The following AGBL1 variants were observed in gnomAD, a reference collection of about 807,000 sequenced individuals.
AGBL1 encodes cytosolic carboxypeptidase 4.
Under a neutral mutation model 118.9 loss-of-function variants are expected in AGBL1, and 130 were observed. That is an observed-to-expected ratio of 1.09 (90% CI 0.95 to 1.26). AGBL1 has a LOEUF of 1.26. AGBL1 is among the 50% of genes most tolerant of loss of function. The pLI is 0.00. For synonymous variants in AGBL1, 555 were observed against 478.9 expected (o/e 1.16, Z -2.08); for missense variants, 1,584 against 1,298.1 (o/e 1.22, Z -3.38).
chr15:86,989,319 A>G (rs79957336), intron 24 of AGBL1, among the ~76,000 whole-genome samples: 5,202 of 152,178 alleles, frequency 0.034, 128 homozygotes, highest in Middle Eastern at 0.068. Context: ...TGATTTTTAA[A>G]TCAATGCTTC....
chr15:86,834,622 T>C (rs1210912672), intron 22 of AGBL1, among the ~76,000 whole-genome samples: 1 of 152,176 alleles, frequency 6.6e-6, no homozygotes, highest in Non-Finnish European at 1.5e-5. Context: ...CACCTCCTTA[T>C]GTACCCTCTC....
chr15:86,264,942 A>G, intron 11 of AGBL1, 104 bp downstream of exon 11: 1 of 1,106,432 alleles, frequency 9.0e-7, no homozygotes, highest in South Asian at 1.9e-5. Context: ...GAAAGAGAGC[A>G]TTAATCAGGA....
At chr15:86,565,489 G>A (rs2083899189) in intron 21 of AGBL1, among the ~76,000 whole-genome samples, 1 of 152,224 alleles carries the variant, frequency 6.6e-6, no homozygotes, top group South Asian at 2.1e-4. Flanking sequence ...CGTTCCTCTG[G>A]AAGCTTTGTC....
At chr15:86,236,530 A>T (rs552797589) in intron 6 of AGBL1, among the ~76,000 whole-genome samples, 2 of 152,058 alleles carry the variant, frequency 1.3e-5, no homozygotes, top group East Asian at 3.9e-4. Context: ...TTAAAAGGAG[A>T]ATGCACACGG....
At chr15:86,671,193 C>T (rs1008510358) in intron 21 of AGBL1, among the ~76,000 whole-genome samples, 3 of 152,080 alleles carry the variant, frequency 2.0e-5, no homozygotes, top group African/African-American at 7.2e-5. Flanking sequence ...GCCGTTGTGC[C>T]ACATTTTCTC....
At chr15:86,763,138 G>C (rs1011284703) in intron 22 of AGBL1, among the ~76,000 whole-genome samples, 2 of 151,940 alleles carry the variant, frequency 1.3e-5, no homozygotes, top group Non-Finnish European at 2.9e-5. Flanking sequence ...CCTTTACCTA[G>C]TCTCCACTGA....
At chr15:86,288,872 T>C (rs1321028563) in intron 16 of AGBL1, among the ~76,000 whole-genome samples, 3 of 152,190 alleles carry the variant, frequency 2.0e-5, no homozygotes, top group African/African-American at 4.8e-5. Flanking sequence ...CCCATATTAT[T>C]TGATTCTTAA....
In AGBL1 at chr15:86,625,364, C is replaced by CCTTTTTTTTTTTTTTT. The variant is rs1429206623; in HGVS notation, c.2995-48909_2995-48908insCTTTTTTTTTTTTTTT. On this transcript the variant is annotated intron_variant, in intron 21 of 22. Transcript: ENST00000614907. ...CAGCCTCCAAGGTAGAAGAAATTAG[C>CCTTTTTTTTTTTTTTT]GTTTTTTTTTTTTTGTTTTTGTTTT... Among the ~76,000 whole-genome samples the CCTTTTTTTTTTTTTTT allele has an allele frequency of 3.1e-4, 21 of 68,260 alleles. 8 individuals are homozygous for CCTTTTTTTTTTTTTTT. The highest frequency in any genetic ancestry group is 1.7e-3 in the East Asian group (2 of 1,182). The allele number at this position is 68,260 out of a possible 152,430, so 44.8% of individuals were successfully genotyped here.
rs981064191 is a variant in AGBL1, at chr15:86,288,748, A to G, written c.2221-6507A>G. Among the ~76,000 whole-genome samples the G allele has an allele frequency of 5.3e-5, 8 of 152,212 alleles. No individual in the cohort carries two copies. The South Asian group carries it at 6.2e-4, about 12-fold the overall frequency. On this transcript the variant is annotated intron_variant, in intron 16 of 22. Transcript: ENST00000614907. ...AAAAACAATATTGTTCAAATACTTT[A>G]TATTATTATTTTTATGCCATTGATT... is the stretch of plus-strand genomic sequence containing the variant.
At chr15:86,279,862 C>A in intron 16 of AGBL1, 79 bp downstream of exon 16, 1 of 1,532,774 alleles carries the variant, frequency 6.5e-7, no homozygotes, top group East Asian at 2.3e-5. Context: ...TTTGGAGACC[C>A]TGACATCCTG....
intron 2 of AGBL1, among the ~76,000 whole-genome samples, chr15:86,143,065 G>A (rs1209817839): frequency 1.3e-5 from 2 of 152,168 alleles, no homozygotes; most frequent in Admixed American, 6.5e-5. Context: ...GTTTGTCCTT[G>A]GGCAAGGTGG....
intron 18 of AGBL1, among the ~76,000 whole-genome samples, chr15:86,408,464 T>C (rs2081564802): frequency 6.6e-6 from 1 of 152,228 alleles, no homozygotes; most frequent in Non-Finnish European, 1.5e-5. Context: ...CATCTGTTCC[T>C]TCCACATGGA....
At position 86,727,405 on chromosome 15, in the gene AGBL1, T is replaced by C. The variant is rs116119959; in HGVS notation, c.3158+52969T>C. 6.1e-3 allele frequency among the ~76,000 whole-genome samples: 931 copies of C among 152,266 alleles called. 10 individuals carry two copies. The highest frequency in any genetic ancestry group is 0.021 in the African/African-American group (882 of 41,556). ...TGAAAAAGGTGCCTTGGGAAAGAGATATCATTAATTTTTTTTAAATTTTAG... is the reference window on the plus strand; with the variant it reads ...TGAAAAAGGTGCCTTGGGAAAGAGACATCATTAATTTTTTTTAAATTTTAG... On this transcript the variant is annotated intron_variant, in intron 22 of 22. Coordinates refer to ENST00000614907, the MANE Select transcript of AGBL1 (RefSeq NM_001386094.1).
intron 17 of AGBL1, among the ~76,000 whole-genome samples, chr15:86,387,226 G>A (rs1000828978): frequency 2.6e-5 from 4 of 152,146 alleles, no homozygotes; most frequent in Non-Finnish European, 5.9e-5. Context: ...ATGAGAATTT[G>A]CTAGGTAGAA....
chr15:86,838,707 A>C (rs556413090), intron 22 of AGBL1, among the ~76,000 whole-genome samples: 1 of 151,966 alleles, frequency 6.6e-6, no homozygotes, highest in African/African-American at 2.4e-5. Context: ...TGAGAGGCCG[A>C]GGCAGAAAGA....
chr15:86,914,577 A>G lies in AGBL1; in HGVS notation c.*7283A>G, dbSNP rs1409304683. On this transcript the variant is annotated 3_prime_UTR_variant, in exon 23 of 23. Transcript: ENST00000614907. ...ATTAGCAACACTTAGTATCTATAATAGTCTAAGACCATCGCAGGTGTCATC... is the reference window on the plus strand; with the variant it reads ...ATTAGCAACACTTAGTATCTATAATGGTCTAAGACCATCGCAGGTGTCATC... The G allele has an allele frequency of 1.3e-5, 2 of 152,186 alleles. No individual in the cohort carries two copies. Among genetic ancestry groups the G allele is most frequent in the Non-Finnish European group, 2.9e-5 (2 of 68,038 alleles). 9.4% of individuals were successfully genotyped at this position (152,186 alleles called of 1,614,324 possible).
intron 22 of AGBL1, among the ~76,000 whole-genome samples, chr15:86,731,502 G>T (rs187753523): frequency 6.6e-6 from 1 of 152,292 alleles, no homozygotes; most frequent in South Asian, 2.1e-4. Flanking sequence ...GACGGTTCAG[G>T]TGATGATTTG....
intron 6 of AGBL1, among the ~76,000 whole-genome samples, chr15:86,229,334 A>C (rs746005369): frequency 7.2e-5 from 11 of 152,156 alleles, no homozygotes; most frequent in South Asian, 2.1e-4. Context: ...GGAAGCAAAC[A>C]TGTCCTTCTT....
intron 17 of AGBL1, among the ~76,000 whole-genome samples, chr15:86,319,658 T>C (rs1290330866): frequency 6.6e-6 from 1 of 151,970 alleles, no homozygotes; most frequent in Non-Finnish European, 1.5e-5. Flanking sequence ...CACTCATATG[T>C]TACTAGCTTT....
Sources: allele counts gnomAD v4.1 joint callset (sites outside exome capture counted in the v4.1 genomes callset), GRCh38; gene constraint gnomAD v4.1.1; transcripts MANE v1.5; gene names NCBI Gene and HGNC (gene_info 2026-07-23, HGNC 2026-07-21).